DPP6: variants seen among roughly 807,000 people sequenced by gnomAD.
The protein encoded by DPP6 is dipeptidyl peptidase like 6.
A neutral mutation model predicts 122.6 loss-of-function variants in DPP6; 69 were observed. That is an observed-to-expected ratio of 0.56 (90% CI 0.46 to 0.69). The LOEUF (loss-of-function observed/expected upper bound fraction) is 0.69, where lower values mean the gene tolerates loss of function less well. Among genes scored for constraint, DPP6 ranks in the 30% least tolerant of loss-of-function variants. The probability of loss-of-function intolerance (pLI) is 0.00; values close to 1 mark genes in which losing one functional copy is unlikely to be tolerated. For missense variants in DPP6, 928 were observed against 1,116.9 expected, an observed-to-expected ratio of 0.83 and a Z score of 2.41; for synonymous variants, 418 against 433.1, an observed-to-expected ratio of 0.97 and a Z score of 0.43.
At chr7:154,365,692 G>A (rs1812099653) in intron 1 of DPP6, among the ~76,000 whole-genome samples, 1 of 151,418 alleles carries the variant, frequency 6.6e-6, no homozygotes, top group Non-Finnish European at 1.5e-5. Context: ...GGTGGCTCAT[G>A]CCTGTAATCC....
At chr7:154,678,140 C>T (rs1839036058) in intron 7 of DPP6, among the ~76,000 whole-genome samples, 1 of 152,164 alleles carries the variant, frequency 6.6e-6, no homozygotes, top group Non-Finnish European at 1.5e-5. Context: ...AATCAGCACT[C>T]TGTAAAAACG....
chr7:154,727,874 C>T lies in DPP6; in HGVS notation c.870C>T (p.Asp290=), dbSNP rs1842144204. The T allele has an allele frequency of 1.9e-6, 3 of 1,612,546 alleles. No individual in the cohort carries two copies. The highest frequency in any genetic ancestry group is 2.5e-6 in the Non-Finnish European group (3 of 1,179,332). Residue 290 remains aspartate, a synonymous_variant, in exon 8 of 26, where the codon GAC becomes GAT. Coordinates refer to ENST00000377770, the MANE Select transcript of DPP6 (RefSeq NM_130797.4). The part of the protein sequence containing the change: ...KEGVIYNGLS[D]WLYEEEILKT... ...GTGTGATTTACAATGGCCTCAGTGACTGGCTGTATGAAGGTAAGATGTGCA... is the reference window on the plus strand; with the variant it reads ...GTGTGATTTACAATGGCCTCAGTGATTGGCTGTATGAAGGTAAGATGTGCA...
intron 7 of DPP6, among the ~76,000 whole-genome samples, chr7:154,671,975 C>G (rs981617581): frequency 6.6e-6 from 1 of 152,126 alleles, no homozygotes; most frequent in Non-Finnish European, 1.5e-5. Flanking sequence ...ACATGTCTCT[C>G]TCCTTGGTTA....
At chr7:154,112,811 G>A (rs1046809105) in intron 1 of DPP6, among the ~76,000 whole-genome samples, 2 of 152,110 alleles carry the variant, frequency 1.3e-5, no homozygotes, top group African/African-American at 4.8e-5. Flanking sequence ...TTAACTGAAA[G>A]CACAATAGGA....
At chr7:154,782,589 G>T (rs377108325) in intron 10 of DPP6, among the ~76,000 whole-genome samples, 4 of 151,974 alleles carry the variant, frequency 2.6e-5, no homozygotes, top group Non-Finnish European at 4.4e-5. Flanking sequence ...GTTAAATAGC[G>T]CTTGGAGTTA....
At chr7:154,674,527 T>C (rs1313162726) in intron 7 of DPP6, among the ~76,000 whole-genome samples, 2 of 152,206 alleles carry the variant, frequency 1.3e-5, no homozygotes, top group Non-Finnish European at 2.9e-5. Context: ...CAAGAAAGAC[T>C]GTGCAGCATT....
At chr7:154,281,026 T>TA (rs61165806) in intron 1 of DPP6, among the ~76,000 whole-genome samples, 26 of 150,724 alleles carry the variant, frequency 1.7e-4, no homozygotes, top group Non-Finnish European at 3.7e-4. Context: ...TTTATTTATT[T>TA]TTTGGAGACA....
chr7:153,986,486 C>T (rs928179832), intron 1 of DPP6, among the ~76,000 whole-genome samples: 12 of 152,106 alleles, frequency 7.9e-5, no homozygotes, highest in Non-Finnish European at 1.8e-4. Flanking sequence ...TAAGAAAAGA[C>T]TAGGCAAATA....
At chr7:154,070,643 G>A (rs1803051151) in intron 1 of DPP6, among the ~76,000 whole-genome samples, 1 of 152,128 alleles carries the variant, frequency 6.6e-6, no homozygotes, top group South Asian at 2.1e-4. Context: ...AAATAGCTAA[G>A]TCAGTTTCCT....
chr7:154,007,138 G>A (rs532392189), intron 1 of DPP6, among the ~76,000 whole-genome samples: 33 of 152,304 alleles, frequency 2.2e-4, no homozygotes, highest in African/African-American at 7.7e-4. Flanking sequence ...TGGTGCCCCA[G>A]TGTTGGGATA....
intron 1 of DPP6, among the ~76,000 whole-genome samples, chr7:154,135,846 TTCTC>T (rs755192105): frequency 6.8e-6 from 1 of 146,224 alleles, no homozygotes; most frequent in East Asian, 2.0e-4. Context: ...GAGTACCACT[TTCTC>T]TCTGTGCACT....
chr7:154,873,654 GTTT>G (rs1363124786), intron 19 of DPP6, among the ~76,000 whole-genome samples: 1 of 152,070 alleles, frequency 6.6e-6, no homozygotes, highest in Non-Finnish European at 1.5e-5. Flanking sequence ...AGCTGATTCC[GTTT>G]TGCAATTAAC....
At chr7:154,685,285 G>A (rs537524936) in intron 7 of DPP6, among the ~76,000 whole-genome samples, 4 of 152,184 alleles carry the variant, frequency 2.6e-5, no homozygotes, top group South Asian at 2.1e-4. Flanking sequence ...ACTAGCCAAC[G>A]GTTCAACAGC....
At chr7:154,297,847 G>A (rs1805642219) in intron 1 of DPP6, among the ~76,000 whole-genome samples, 1 of 152,190 alleles carries the variant, frequency 6.6e-6, no homozygotes, top group Admixed American at 6.5e-5. Flanking sequence ...AGGAGAGGGA[G>A]AGTAAATGAA....
intron 5 of DPP6, among the ~76,000 whole-genome samples, chr7:154,621,090 T>C (rs914570944): frequency 1.5e-4 from 23 of 152,330 alleles, no homozygotes; most frequent in Admixed American, 3.3e-4. Context: ...TTTCAAGAGT[T>C]CCTGTTTCCC....
chr7:154,666,928 C>T (rs1417004189), intron 6 of DPP6, among the ~76,000 whole-genome samples: 1 of 152,194 alleles, frequency 6.6e-6, no homozygotes, highest in Non-Finnish European at 1.5e-5. Flanking sequence ...GAAATGATTG[C>T]ACCAGCTTGC....
At chr7:154,419,396 T>C (rs1817273206) in intron 1 of DPP6, among the ~76,000 whole-genome samples, 2 of 152,246 alleles carry the variant, frequency 1.3e-5, no homozygotes, top group South Asian at 4.1e-4. Context: ...TTTAAAATAG[T>C]GCTCACAGCT....
chr7:154,579,820 T>C (rs1012504108), intron 5 of DPP6, among the ~76,000 whole-genome samples: 18 of 152,102 alleles, frequency 1.2e-4, no homozygotes, highest in African/African-American at 4.3e-4. Flanking sequence ...CTCCCCCATG[T>C]GCATTGATGG....
In DPP6 at chr7:154,795,841, T is replaced by A; in HGVS notation, c.1261-4T>A. Reference sequence around the variant, plus strand: ...TCTTGTCTAATGCTCTCATTTCATTTCAGAAACACGAGGATGAAAGTGAGG... The same window carrying A: ...TCTTGTCTAATGCTCTCATTTCATTACAGAAACACGAGGATGAAAGTGAGG... On this transcript the variant is annotated splice_region_variant and splice_polypyrimidine_tract_variant and intron_variant, in intron 11 of 25. Coordinates refer to ENST00000377770, the MANE Select transcript of DPP6 (RefSeq NM_130797.4). 6.2e-7 allele frequency: 1 copy of A among 1,611,430 alleles called. No homozygotes were observed. The highest frequency in any genetic ancestry group is 1.1e-5 in the South Asian group (1 of 90,426).
Sources: gnomAD v4.1 joint callset for allele counts (sites outside exome capture counted in the v4.1 genomes callset) on GRCh38, gnomAD v4.1.1 for gene constraint, MANE v1.5 for transcripts, NCBI Gene and HGNC (gene_info 2026-07-23, HGNC 2026-07-21) for gene names.